The following CC2D2A variants were observed in gnomAD, a reference collection of about 807,000 sequenced individuals.
The protein encoded by CC2D2A is coiled-coil and C2 domain-containing protein 2A.
A neutral mutation model predicts 212.9 loss-of-function variants in CC2D2A; 155 were observed. The ratio of observed to expected loss-of-function variants is 0.73; its 90% CI spans 0.64 to 0.83. CC2D2A has a LOEUF of 0.83. Among genes scored for constraint, CC2D2A ranks in the 40% least tolerant of loss-of-function variants. CC2D2A has a pLI of 0.00. For synonymous variants in CC2D2A, 667 were observed against 686.5 expected (o/e 0.97, Z 0.44); for missense variants, 1,856 against 1,956.2 (o/e 0.95, Z 0.97).
intron 21 of CC2D2A, 150 bp from the exon 22 acceptor site, chr4:15,559,015 A>G (rs1719432282): frequency 1.6e-6 from 1 of 616,810 alleles, no homozygotes; most frequent in African/African-American, 1.9e-5. Context: ...ACTCTATCAA[A>G]GACCAATTCT....
chr4:15,476,002 T>C, intron 2 of CC2D2A, 31 bp downstream of exon 2: 1 of 1,566,422 alleles, frequency 6.4e-7, no homozygotes, highest in Non-Finnish European at 8.7e-7. Flanking sequence ...CCTCTAGGGA[T>C]GTGTTTGTGT....
At position 15,537,095 on chromosome 4, in the gene CC2D2A, A is replaced by G; in HGVS notation, c.1764+19A>G. The G allele has an allele frequency of 1.9e-6, 3 of 1,610,948 alleles. No homozygotes were observed. The highest frequency in any genetic ancestry group is 2.5e-6 in the Non-Finnish European group (3 of 1,178,050). On this transcript the variant is annotated intron_variant, in intron 15 of 36. Transcript: ENST00000424120. ...AGTGCAAGTGTGTAAACAAACACTC[A>G]GCCTGGAATAGGGCTGGCCAGGAAG... is the stretch of plus-strand genomic sequence containing the variant.
At chr4:15,489,034 C>CT (rs1403374565) in intron 4 of CC2D2A, among the ~76,000 whole-genome samples, 1 of 152,218 alleles carries the variant, frequency 6.6e-6, no homozygotes, top group East Asian at 1.9e-4. Context: ...GAGGGAGTAA[C>CT]TATCACACAT....
rs368395644 is a variant in CC2D2A, at chr4:15,469,920, C to T, written c.-156C>T. On this transcript the variant is annotated 5_prime_UTR_variant, in exon 1 of 37. Coordinates refer to ENST00000424120, the MANE Select transcript of CC2D2A (RefSeq NM_001378615.1). ...TGCTCCAAGACATGGCTGCAGCTTC[C>T]CAGGGAGGAGCCCAGGGGCATCTCC... 1.3e-5 allele frequency: 2 copies of T among 152,158 alleles called. No homozygotes were observed. Among genetic ancestry groups the T allele is most frequent in the African/African-American group, 4.8e-5 (2 of 41,426 alleles). 9.4% of individuals were successfully genotyped at this position (152,158 alleles called of 1,614,324 possible).
intron 30 of CC2D2A, among the ~76,000 whole-genome samples, chr4:15,582,956 C>CA: frequency 6.6e-6 from 1 of 152,120 alleles, no homozygotes; most frequent in South Asian, 2.1e-4. Flanking sequence ...TATTGCCAAA[C>CA]AAAATTCAAT....
intron 8 of CC2D2A, among the ~76,000 whole-genome samples, chr4:15,513,392 G>C (rs1716682393): frequency 6.6e-6 from 1 of 152,214 alleles, no homozygotes; most frequent in Admixed American, 6.5e-5. Flanking sequence ...GAGGAGAATT[G>C]GGCTTCACCT....
At chr4:15,513,515 A>C (rs936227891) in intron 8 of CC2D2A, among the ~76,000 whole-genome samples, 1 of 152,188 alleles carries the variant, frequency 6.6e-6, no homozygotes, top group African/African-American at 2.4e-5. Context: ...CTCTGTTCCT[A>C]AAACTGCTCT....
At chr4:15,547,329 T>C (rs188496570) in intron 17 of CC2D2A, among the ~76,000 whole-genome samples, 22 of 152,356 alleles carry the variant, frequency 1.4e-4, no homozygotes, top group Non-Finnish European at 2.5e-4. Flanking sequence ...AAATCTTCTC[T>C]TCTAGCTATT....
In CC2D2A at chr4:15,502,471, AATTTTCC is replaced by A. The variant is rs757807971; in HGVS notation, c.293_299del (p.Phe98Ter). ...TCAACTTCCAGAACAGGCTTTGCAG[AATTTTCC>A]ATGAGGGGACGCATGAGGGAGAAAT... On this transcript the variant is annotated frameshift_variant, in exon 5 of 37. Coordinates refer to ENST00000424120, the MANE Select transcript of CC2D2A (RefSeq NM_001378615.1). LOFTEE classifies it high-confidence loss of function. 3.7e-6 allele frequency: 6 copies of A among 1,609,126 alleles called. No homozygotes were observed. The African/African-American group carries it at 8.0e-5, about 22-fold the overall frequency.
intron 9 of CC2D2A, among the ~76,000 whole-genome samples, chr4:15,515,413 G>A (rs1036688792): frequency 2.0e-5 from 3 of 152,094 alleles, no homozygotes; most frequent in African/African-American, 4.8e-5. Context: ...TAATGATCAC[G>A]TTCAATCAAA....
At chr4:15,544,281 G>A (rs1718602452) in intron 17 of CC2D2A, among the ~76,000 whole-genome samples, 1 of 152,052 alleles carries the variant, frequency 6.6e-6, no homozygotes, top group South Asian at 2.1e-4. Context: ...GAGCTGCAGG[G>A]GCCCACATGA....
intron 6 of CC2D2A, among the ~76,000 whole-genome samples, chr4:15,508,504 T>G (rs779639759): frequency 2.0e-5 from 3 of 152,238 alleles, no homozygotes; most frequent in Admixed American, 6.5e-5. Flanking sequence ...TTATATTTTA[T>G]GTACATTTCC....
At chr4:15,588,778 T>G (rs1240406301) in intron 32 of CC2D2A, among the ~76,000 whole-genome samples, 1 of 152,120 alleles carries the variant, frequency 6.6e-6, no homozygotes, top group Non-Finnish European at 1.5e-5. Context: ...AGTAGGTCAC[T>G]CCACAACTCT....
rs74810037 is a variant in CC2D2A at position 15,555,486 on chromosome 4, T to C, written c.2625+276T>C. ...GGGCATGGTGGCTCATGCCTGTAAT[T>C]CCAGCACTTTGGGAGGCCAAGGAAG... On this transcript the variant is annotated intron_variant, in intron 20 of 36. Coordinates refer to ENST00000424120, the MANE Select transcript of CC2D2A (RefSeq NM_001378615.1). Among the ~76,000 whole-genome samples, 508 of 152,212 alleles carry C rather than the reference T, an allele frequency of 3.3e-3. 25 individuals are homozygous for C. In the East Asian group the frequency reaches 0.075, roughly 22 times the overall value.
At chr4:15,548,400 A>G (rs989726250) in intron 17 of CC2D2A, among the ~76,000 whole-genome samples, 2 of 152,156 alleles carry the variant, frequency 1.3e-5, no homozygotes, top group African/African-American at 4.8e-5. Flanking sequence ...GGTCATCACC[A>G]GGCATGGTGA....
chr4:15,519,044 G>A (rs1717048290), intron 11 of CC2D2A, among the ~76,000 whole-genome samples: 1 of 152,138 alleles, frequency 6.6e-6, no homozygotes, highest in African/African-American at 2.4e-5. Flanking sequence ...CTCAGAAAAT[G>A]GGATTTTCTT....
chr4:15,512,586 T>C (rs1212056744), intron 8 of CC2D2A, among the ~76,000 whole-genome samples: 1 of 152,146 alleles, frequency 6.6e-6, no homozygotes, highest in African/African-American at 2.4e-5. Context: ...AGAATTTCAG[T>C]CTGGGAAGAT....
chr4:15,511,566 T>G, intron 8 of CC2D2A, 143 bp downstream of exon 8: 1 of 700,888 alleles, frequency 1.4e-6, no homozygotes, highest in Non-Finnish European at 2.2e-6. Context: ...AAATCCCAAG[T>G]ACTGAATTCA....
At chr4:15,534,213 A>T (rs987132611) in intron 14 of CC2D2A, among the ~76,000 whole-genome samples, 2 of 152,184 alleles carry the variant, frequency 1.3e-5, no homozygotes, top group Middle Eastern at 3.2e-3. Context: ...GGCATTCTGC[A>T]TATAACATGG....
Sources: allele counts gnomAD v4.1 joint callset (sites outside exome capture counted in the v4.1 genomes callset), GRCh38; gene constraint gnomAD v4.1.1; transcripts MANE v1.5; gene names NCBI Gene and HGNC (gene_info 2026-07-23, HGNC 2026-07-21).